The following HEATR5A variants were observed in gnomAD, a reference collection of about 807,000 sequenced individuals.
The protein encoded by HEATR5A is HEAT repeat containing 5A, also known as HEAT repeat-containing protein 5A.
HEATR5A carries 178 observed loss-of-function variants against 218.8 expected under a neutral mutation model. The ratio of observed to expected loss-of-function variants is 0.81; its 90% CI spans 0.72 to 0.92. The LOEUF is 0.92. Ranked by LOEUF, HEATR5A falls within the 40% of genes least tolerant of loss-of-function variation. The pLI is 0.00. For synonymous variants in HEATR5A, 864 were observed against 871.6 expected, an observed-to-expected ratio of 0.99 and a Z score of 0.15; for missense variants, 2,420 against 2,418.9, an observed-to-expected ratio of 1.00 and a Z score of -0.01.
At chr14:31,413,183 C>T (rs1051112893) in intron 1 of HEATR5A, among the ~76,000 whole-genome samples, 1 of 152,120 alleles carries the variant, frequency 6.6e-6, no homozygotes, top group Non-Finnish European at 1.5e-5. Context: ...CTCACCACTG[C>T]ATAATACAAA....
chr14:31,337,341 A>C, intron 22 of HEATR5A, 135 bp downstream of exon 22: 1 of 712,574 alleles, frequency 1.4e-6, no homozygotes, highest in Non-Finnish European at 2.3e-6. Flanking sequence ...GGTTGGAATA[A>C]CTGTTAGCAA....
intron 11 of HEATR5A, among the ~76,000 whole-genome samples, chr14:31,377,438 C>A (rs375362047): frequency 2.6e-5 from 4 of 151,916 alleles, no homozygotes; most frequent in African/African-American, 7.3e-5. Flanking sequence ...CCTCACTGGT[C>A]CCCCCTGAAA....
chr14:31,384,353 A>G (rs765449065), intron 9 of HEATR5A, among the ~76,000 whole-genome samples: 4 of 151,592 alleles, frequency 2.6e-5, no homozygotes, highest in Non-Finnish European at 5.9e-5. Flanking sequence ...CTGAGGTGGG[A>G]GGATCGCTTG....
At chr14:31,303,795 C>T (rs1595078127) in intron 32 of HEATR5A, among the ~76,000 whole-genome samples, 4 of 152,126 alleles carry the variant, frequency 2.6e-5, no homozygotes, top group East Asian at 3.9e-4. Context: ...AGTAACGACA[C>T]GATAGCACAG....
intron 4 of HEATR5A, among the ~76,000 whole-genome samples, chr14:31,396,112 TTTGGGAGGCCAA>T (rs2030643320): frequency 6.6e-6 from 1 of 152,104 alleles, no homozygotes; most frequent in Admixed American, 6.5e-5. Context: ...ATCTCAGCAC[TTTGGGAGGCCAA>T]GGTGGGCCGA....
At chr14:31,330,633 T>TA (rs1291603503) in intron 22 of HEATR5A, among the ~76,000 whole-genome samples, 1 of 151,602 alleles carries the variant, frequency 6.6e-6, no homozygotes, top group Non-Finnish European at 1.5e-5. Context: ...TACTAAAAAA[T>TA]ACAACAAATT....
intron 14 of HEATR5A, among the ~76,000 whole-genome samples, chr14:31,361,440 G>C (rs1901612007): frequency 6.6e-6 from 1 of 152,118 alleles, no homozygotes; most frequent in Non-Finnish European, 1.5e-5. Flanking sequence ...TCAAAGGAAT[G>C]TCTAAGTTTA....
rs57787677 is a variant in HEATR5A, at chr14:31,311,018, AAACCAACCAACCAACCAACCAACC to A, written c.4442-1860_4442-1837del. Reference sequence around the variant, plus strand: ...CAACCCAGCAACACCCTGTCTCTAAAAACCAACCAACCAACCAACCAACCAACCAACCAACCAACCAACCAACCA... The same window carrying A: ...CAACCCAGCAACACCCTGTCTCTAAAAACCAACCAACCAACCAACCAACCA... On this transcript the variant is annotated intron_variant, in intron 28 of 35. Transcript: ENST00000543095. Among the ~76,000 whole-genome samples, 589 of 148,808 alleles carry A rather than the reference AAACCAACCAACCAACCAACCAACC, an allele frequency of 4.0e-3. 4 individuals are homozygous for A. Among genetic ancestry groups the A allele is most frequent in the African/African-American group, 0.011 (434 of 40,222 alleles).
intron 1 of HEATR5A, among the ~76,000 whole-genome samples, chr14:31,417,409 C>CAA (rs2031488321): frequency 6.6e-6 from 1 of 151,868 alleles, no homozygotes; most frequent in African/African-American, 2.4e-5. Flanking sequence ...AAAACAAAAA[C>CAA]AAAAGCAAAA....
At chr14:31,371,513 G>T (rs992175941) in intron 13 of HEATR5A, 1 of 196,706 alleles carries the variant, frequency 5.1e-6, no homozygotes, top group Non-Finnish European at 1.0e-5. Flanking sequence ...TGGTTCTCAC[G>T]AACACAGAAT....
chr14:31,353,149 G>A (rs1234687064), intron 16 of HEATR5A, among the ~76,000 whole-genome samples: 4 of 151,000 alleles, frequency 2.6e-5, no homozygotes, highest in Non-Finnish European at 5.9e-5. Flanking sequence ...ACAAAGAGCC[G>A]CCATTAACAT....
intron 11 of HEATR5A, among the ~76,000 whole-genome samples, chr14:31,379,705 A>G (rs961717862): frequency 1.3e-5 from 2 of 152,222 alleles, no homozygotes; most frequent in African/African-American, 4.8e-5. Context: ...TATAATGCCA[A>G]CACTTTGGGA....
intron 1 of HEATR5A, among the ~76,000 whole-genome samples, chr14:31,409,386 A>G (rs770582016): frequency 6.0e-5 from 9 of 151,016 alleles, no homozygotes; most frequent in Admixed American, 1.3e-4. Context: ...CTCCAAAACC[A>G]CATCTAAGAG....
At chr14:31,377,444 T>G (rs769722021) in intron 11 of HEATR5A, among the ~76,000 whole-genome samples, 12 of 152,014 alleles carry the variant, frequency 7.9e-5, no homozygotes, top group South Asian at 2.1e-4. Flanking sequence ...TGGTCCCCCC[T>G]GAAAGTTGCT....
intron 13 of HEATR5A, among the ~76,000 whole-genome samples, chr14:31,364,563 G>A (rs1212167321): frequency 6.6e-6 from 1 of 152,120 alleles, no homozygotes; most frequent in Non-Finnish European, 1.5e-5. Context: ...GGGAACTACA[G>A]GGTTGCACTA....
intron 33 of HEATR5A, among the ~76,000 whole-genome samples, chr14:31,300,449 G>A (rs1387963865): frequency 6.6e-6 from 1 of 151,780 alleles, no homozygotes; most frequent in Non-Finnish European, 1.5e-5. Flanking sequence ...ATCCTTTAAG[G>A]CGTTGACTCT....
intron 1 of HEATR5A, among the ~76,000 whole-genome samples, chr14:31,410,249 C>A (rs573661741): frequency 6.6e-6 from 1 of 152,172 alleles, no homozygotes; most frequent in African/African-American, 2.4e-5. Flanking sequence ...TTCAACTCAC[C>A]CTATAGTCTT....
intron 13 of HEATR5A, among the ~76,000 whole-genome samples, chr14:31,369,315 CACAA>C (rs1901929909): frequency 6.6e-6 from 1 of 150,740 alleles, no homozygotes; most frequent in South Asian, 2.1e-4. Flanking sequence ...GACCCTGTCT[CACAA>C]ACAAGAAAAA....
At chr14:31,354,737 T>C (rs1901360366) in intron 16 of HEATR5A, among the ~76,000 whole-genome samples, 1 of 152,208 alleles carries the variant, frequency 6.6e-6, no homozygotes, top group Non-Finnish European at 1.5e-5. Context: ...TTATACATTT[T>C]ACATTATAAA....
Sources: gnomAD v4.1 joint callset for allele counts (sites outside exome capture counted in the v4.1 genomes callset) on GRCh38, gnomAD v4.1.1 for gene constraint, MANE v1.5 for transcripts, NCBI Gene and HGNC (gene_info 2026-07-23, HGNC 2026-07-21) for gene names.